Variants in RBFOX1 observed in about 807,000 individuals in gnomAD.
RBFOX1 encodes the protein RNA binding fox-1 homolog 1.
Under a neutral mutation model 57.7 loss-of-function variants are expected in RBFOX1, and 8 were observed. That is an observed-to-expected ratio of 0.14 (90% CI 0.08 to 0.25). RBFOX1 has a LOEUF of 0.25. RBFOX1 is among the 10% of genes least tolerant of loss of function. The pLI is 1.00. For missense variants in RBFOX1, 611 were observed against 548.5 expected (o/e 1.11, Z -1.14); for synonymous variants, 326 against 222.4 (o/e 1.47, Z -4.15).
intron 4 of RBFOX1, among the ~76,000 whole-genome samples, chr16:7,251,772 A>G (rs1378231638): frequency 6.6e-6 from 1 of 152,164 alleles, no homozygotes; most frequent in African/African-American, 2.4e-5. Context: ...TCTTAGCTAT[A>G]GTGAATAATG....
At chr16:7,172,157 C>A (rs1007276916) in intron 4 of RBFOX1, among the ~76,000 whole-genome samples, 3 of 152,102 alleles carry the variant, frequency 2.0e-5, no homozygotes, top group African/African-American at 7.2e-5. Context: ...TTTTAGAATT[C>A]TGCATCCTGG....
chr16:6,804,785 A>G (rs536420295), intron 3 of RBFOX1, among the ~76,000 whole-genome samples: 60 of 152,110 alleles, frequency 3.9e-4, no homozygotes, highest in Non-Finnish European at 7.6e-4. Flanking sequence ...TCCCTACTCT[A>G]TTGCCAAGTA....
At chr16:7,176,105 C>G (rs926339949) in intron 4 of RBFOX1, among the ~76,000 whole-genome samples, 3 of 151,768 alleles carry the variant, frequency 2.0e-5, no homozygotes, top group Admixed American at 2.0e-4. Context: ...GGAGCATGTA[C>G]TTTTAATCAA....
At chr16:5,628,505 G>A (rs2048409672) in intron 3 of RBFOX1, among the ~76,000 whole-genome samples, 1 of 152,104 alleles carries the variant, frequency 6.6e-6, no homozygotes, top group Admixed American at 6.5e-5. Flanking sequence ...GTTAGGGGAA[G>A]AACGCTTTAG....
intron 2 of RBFOX1, among the ~76,000 whole-genome samples, chr16:5,515,673 C>G (rs1405651858): frequency 6.6e-6 from 1 of 152,170 alleles, no homozygotes; most frequent in East Asian, 1.9e-4. Context: ...TAAGGTTATT[C>G]TCATTAAAAA....
intron 4 of RBFOX1, among the ~76,000 whole-genome samples, chr16:7,083,188 C>G (rs948280416): frequency 6.6e-6 from 1 of 152,078 alleles, no homozygotes; most frequent in East Asian, 1.9e-4. Context: ...CCCGAGGGGA[C>G]AGTCCACGGA....
At chr16:6,528,308 C>G (rs2096610020) in intron 2 of RBFOX1, among the ~76,000 whole-genome samples, 2 of 152,216 alleles carry the variant, frequency 1.3e-5, no homozygotes, top group Admixed American at 6.5e-5. Flanking sequence ...ACTTCCCAAA[C>G]TTAGGATGCC....
Position 6,333,437 on chromosome 16 carries a change from C to G in RBFOX1, c.-64+16380C>G, listed in dbSNP as rs185946755. Among the ~76,000 whole-genome samples, 4 of 152,254 alleles carry G rather than the reference C, an allele frequency of 2.6e-5. No homozygotes were observed. In the East Asian group the frequency reaches 7.7e-4, roughly 29 times the overall value. On this transcript the variant is annotated intron_variant, in intron 2 of 15. Coordinates refer to ENST00000550418, the MANE Select transcript of RBFOX1 (RefSeq NM_018723.4). ...TTCTGTTGTTTTAGTCCTGAGATTT[C>G]TCCATTTCTTTTCTGCTTTTTATTC... is the stretch of plus-strand genomic sequence containing the variant.
chr16:7,589,239 T>G (rs2094305901), intron 7 of RBFOX1, among the ~76,000 whole-genome samples: 1 of 152,208 alleles, frequency 6.6e-6, no homozygotes, highest in Admixed American at 6.5e-5. Flanking sequence ...AGATGTGTTG[T>G]TGTTGTTGTT....
At position 5,935,503 on chromosome 16, in the gene RBFOX1, C is replaced by G. The variant is rs1022206784; in HGVS notation, c.351+68168C>G. ...GAGCTGTTCCTAATTGGTACCTGGC[C>G]CTGGGGTGATTAGGGCCGGTGGACA... On this transcript the variant is annotated intron_variant, in intron 4 of 19. Coordinates refer to the RBFOX1 transcript ENST00000641259. Among the ~76,000 whole-genome samples the G allele has an allele frequency of 2.6e-5, 4 of 152,042 alleles. No homozygotes were observed. In the East Asian group the frequency reaches 5.8e-4, roughly 22 times the overall value.
chr16:7,514,746 T>G (rs1471910022), intron 4 of RBFOX1, among the ~76,000 whole-genome samples: 4 of 152,152 alleles, frequency 2.6e-5, no homozygotes, highest in Non-Finnish European at 5.9e-5. Flanking sequence ...TAACTGACCA[T>G]AAGCTTCTGG....
intron 3 of RBFOX1, among the ~76,000 whole-genome samples, chr16:6,926,185 T>G (rs1173974914): frequency 6.6e-6 from 1 of 152,128 alleles, no homozygotes; most frequent in Non-Finnish European, 1.5e-5. Context: ...TGTGCATCTG[T>G]AATCTCAGCT....
At chr16:6,705,983 A>G (rs969838278) in intron 3 of RBFOX1, among the ~76,000 whole-genome samples, 1 of 152,102 alleles carries the variant, frequency 6.6e-6, no homozygotes, top group Non-Finnish European at 1.5e-5. Context: ...GTGCCACTGA[A>G]CTCCAGCCTG....
chr16:7,489,015 C>T (rs1016902481), intron 4 of RBFOX1, among the ~76,000 whole-genome samples: 2 of 152,120 alleles, frequency 1.3e-5, no homozygotes, highest in African/African-American at 4.8e-5. Context: ...TTATATCTAC[C>T]TACCTATGCA....
chr16:5,403,644 C>T lies in RBFOX1; in HGVS notation c.220-63572C>T, dbSNP rs536482542. On this transcript the variant is annotated intron_variant, in intron 1 of 2. Transcript: ENST00000585867. ...TATTTTTAATAGAGACGAGGTTTCG[C>T]CATGTTGGCCAGGCTGGTCTCGAGT... Among the ~76,000 whole-genome samples the T allele has an allele frequency of 4.6e-5, 7 of 152,192 alleles. No individual in the cohort carries two copies. The South Asian group carries it at 1.5e-3, about 32-fold the overall frequency.
chr16:6,432,162 G>A (rs1034153788), intron 2 of RBFOX1, among the ~76,000 whole-genome samples: 2 of 151,838 alleles, frequency 1.3e-5, no homozygotes, highest in South Asian at 2.1e-4. Context: ...AAAGATGGGG[G>A]TCTGACTAGT....
Position 7,470,096 on chromosome 16 carries a change from A to G in RBFOX1, c.28-48051A>G, listed in dbSNP as rs566375850. Among the ~76,000 whole-genome samples, 38 of 151,958 alleles carry G rather than the reference A, an allele frequency of 2.5e-4. 1 individual carries two copies. Among genetic ancestry groups the G allele is most frequent in the South Asian group, 6.2e-4 (3 of 4,812 alleles). On this transcript the variant is annotated intron_variant, in intron 4 of 15. Coordinates refer to ENST00000550418, the MANE Select transcript of RBFOX1 (RefSeq NM_018723.4). ...ACACATGTTATCTGTTCATATGTCA[A>G]TGGACATTTAGGTTGTTTACACTTT...
chr16:6,260,922 T>C (rs1195646237), intron 1 of RBFOX1, among the ~76,000 whole-genome samples: 5 of 152,058 alleles, frequency 3.3e-5, no homozygotes, highest in African/African-American at 1.2e-4. Flanking sequence ...CATGCACTCT[T>C]TGAGAAAATG....
At chr16:6,196,884 A>G (rs1011426222) in intron 1 of RBFOX1, among the ~76,000 whole-genome samples, 5 of 151,566 alleles carry the variant, frequency 3.3e-5, no homozygotes, top group African/African-American at 1.2e-4. Context: ...CATCGAGGTC[A>G]TCTCTGTCCG....
Sources: gnomAD v4.1 joint callset for allele counts (sites outside exome capture counted in the v4.1 genomes callset) on GRCh38, gnomAD v4.1.1 for gene constraint, MANE v1.5 for transcripts, NCBI Gene and HGNC (gene_info 2026-07-23, HGNC 2026-07-21) for gene names.